The following RYR2 variants were observed in gnomAD, a reference collection of about 807,000 sequenced individuals.
RYR2 encodes cardiac muscle ryanodine receptor-calcium release channel.
In RYR2, 227 loss-of-function variants were observed where a neutral mutation model predicts 601.1. That is an observed-to-expected ratio of 0.38 (90% CI 0.34 to 0.42). RYR2 has a LOEUF of 0.42. RYR2 is among the 10% of genes least tolerant of loss of function. The pLI is 1.00. For synonymous variants in RYR2, 2,223 were observed against 2,175.1 expected, an observed-to-expected ratio of 1.02 and a Z score of -0.61; for missense variants, 4,646 against 6,156.5, an observed-to-expected ratio of 0.75 and a Z score of 8.21.
chr1:237,414,003 G>T (rs1704691409), intron 10 of RYR2, among the ~76,000 whole-genome samples: 4 of 151,966 alleles, frequency 2.6e-5, no homozygotes, highest in African/African-American at 9.7e-5. Context: ...TTTCCAAGTT[G>T]TCAATTTCTT....
intron 1 of RYR2, among the ~76,000 whole-genome samples, chr1:237,237,514 C>A (rs535586512): frequency 5.3e-5 from 8 of 152,116 alleles, no homozygotes; most frequent in Non-Finnish European, 1.2e-4. Flanking sequence ...CACAATTGGC[C>A]AGCATACACA....
At chr1:237,754,976 CATAATTTAAGAAAACATAA>C in intron 80 of RYR2, 1 of 754,660 alleles carries the variant, frequency 1.3e-6, no homozygotes, top group Non-Finnish European at 1.9e-6. Flanking sequence ...AGGCCTATCA[CATAATTTAAGAAAACATAA>C]AATTAACCAC....
rs543974446 is a variant in RYR2, at chr1:237,156,394, A to C, written c.48+113825A>C. 5.9e-5 allele frequency among the ~76,000 whole-genome samples: 9 copies of C among 152,332 alleles called. No individual in the cohort carries two copies. The South Asian group carries it at 1.7e-3, about 28-fold the overall frequency. On this transcript the variant is annotated intron_variant, in intron 1 of 104. Transcript: ENST00000366574. ...AAAGTCTCAGACTCAAACATGTTAC[A>C]CTTACCTCCTGGAGGTTTTACAATG...
intron 1 of RYR2, among the ~76,000 whole-genome samples, chr1:237,051,831 C>T (rs1012647656): frequency 6.6e-6 from 1 of 152,158 alleles, no homozygotes; most frequent in Non-Finnish European, 1.5e-5. Flanking sequence ...GGCTCTAGAA[C>T]TCTCACTTAA....
chr1:237,469,971 G>C (rs760037926), intron 17 of RYR2, among the ~76,000 whole-genome samples: 5 of 152,174 alleles, frequency 3.3e-5, no homozygotes, highest in African/African-American at 1.2e-4. Flanking sequence ...GAACTTGTTA[G>C]AGCTCTCTAG....
intron 8 of RYR2, among the ~76,000 whole-genome samples, chr1:237,378,090 A>G (rs1209111923): frequency 6.6e-6 from 1 of 152,226 alleles, no homozygotes; most frequent in Non-Finnish European, 1.5e-5. Context: ...GGTGAAAGAC[A>G]CGTCTCATGT....
chr1:237,793,810 C>A, intron 94 of RYR2, 57 bp from the exon 95 acceptor site: 2 of 1,360,000 alleles, frequency 1.5e-6, no homozygotes, highest in Non-Finnish European at 2.1e-6. Flanking sequence ...AGATAGTGAC[C>A]ACAAGATATG....
rs1558953267 is a variant in RYR2 at position 237,515,902 on chromosome 1, T to TCTCCCTCTTCTCCC, written c.2822+4111_2822+4112insCTCCCTCTTCTCCC. On this transcript the variant is annotated intron_variant, in intron 24 of 104. Coordinates refer to ENST00000366574, the MANE Select transcript of RYR2 (RefSeq NM_001035.3). ...CCTCTTCTCCTCCTCCCTCTTCTCC[T>TCTCCCTCTTCTCCC]TCTCCCTCTTCTCCCTCTCCCTCTT... 6.6e-3 allele frequency among the ~76,000 whole-genome samples: 930 copies of TCTCCCTCTTCTCCC among 141,082 alleles called. 15 individuals carry two copies. The highest frequency in any genetic ancestry group is 0.024 in the African/African-American group (883 of 37,490). The allele number at this position is 141,082 out of a possible 152,430, so 92.6% of individuals were successfully genotyped here.
intron 38 of RYR2, among the ~76,000 whole-genome samples, chr1:237,618,086 A>G (rs1027283735): frequency 9.9e-5 from 15 of 152,178 alleles, no homozygotes; most frequent in African/African-American, 3.4e-4. Context: ...GTGTTAAACA[A>G]TGTAATTCAC....
At chr1:237,604,599 C>T (rs1463803783) in intron 35 of RYR2, among the ~76,000 whole-genome samples, 1 of 151,956 alleles carries the variant, frequency 6.6e-6, no homozygotes, top group Non-Finnish European at 1.5e-5. Context: ...GATAGAGACA[C>T]AAAAAACCCT....
At position 237,098,379 on chromosome 1, in the gene RYR2, T is replaced by TTGTG. The variant is rs758325281; in HGVS notation, c.48+55814_48+55817dup. On this transcript the variant is annotated intron_variant, in intron 1 of 104. Transcript: ENST00000366574. The stretch of plus-strand genomic sequence containing the variant: ...TATCCATCACCTCACATAGTTGCCA[T>TTGTG]TGTGTGTATGTGTGTGTGTGTGTGT... 6.9e-3 allele frequency among the ~76,000 whole-genome samples: 405 copies of TTGTG among 58,786 alleles called. 2 individuals carry two copies. Among genetic ancestry groups the TTGTG allele is most frequent in the Middle Eastern group, 0.018 (2 of 110 alleles). 38.6% of individuals were successfully genotyped at this position (58,786 alleles called of 152,430 possible). A position where few individuals can be genotyped will look rare whatever the true frequency, so the allele number is the denominator to read the frequency against.
intron 1 of RYR2, among the ~76,000 whole-genome samples, chr1:237,135,786 A>G (rs1672711209): frequency 2.0e-5 from 3 of 152,352 alleles, no homozygotes; most frequent in South Asian, 4.1e-4. Flanking sequence ...GCTTTCACAC[A>G]TGGCATCTAT....
chr1:237,127,395 CGGCTGGCCGGGCGGGG>C (rs1671570316), intron 1 of RYR2, among the ~76,000 whole-genome samples: 1 of 147,546 alleles, frequency 6.8e-6, no homozygotes, highest in Non-Finnish European at 1.5e-5. Flanking sequence ...CCGGACGGGG[CGGCTGGCCGGGCGGGG>C]GGCTGACCCC....
intron 66 of RYR2, among the ~76,000 whole-genome samples, chr1:237,702,318 A>C (rs1265047995): frequency 6.6e-6 from 1 of 152,226 alleles, no homozygotes; most frequent in African/African-American, 2.4e-5. Flanking sequence ...TGAGTGTTTG[A>C]GTCTTATGAA....
intron 2 of RYR2, among the ~76,000 whole-genome samples, chr1:237,296,723 G>T (rs1455245359): frequency 6.6e-6 from 1 of 152,156 alleles, no homozygotes; most frequent in Middle Eastern, 3.2e-3. Context: ...GTTGGTGTGA[G>T]AATCACCTGC....
At chr1:237,489,977 T>C (rs1663142847) in intron 17 of RYR2, among the ~76,000 whole-genome samples, 1 of 152,204 alleles carries the variant, frequency 6.6e-6, no homozygotes, top group South Asian at 2.1e-4. Flanking sequence ...GTGGTACATA[T>C]ACACCATAGA....
At chr1:237,067,665 G>C (rs1663816877) in intron 1 of RYR2, among the ~76,000 whole-genome samples, 1 of 152,016 alleles carries the variant, frequency 6.6e-6, no homozygotes, top group Admixed American at 6.6e-5. Flanking sequence ...ATTTCACCGG[G>C]GTTTCGATAA....
intron 92 of RYR2, among the ~76,000 whole-genome samples, chr1:237,790,891 CTG>C (rs1658303051): frequency 6.6e-6 from 1 of 152,074 alleles, no homozygotes; most frequent in Non-Finnish European, 1.5e-5. Flanking sequence ...CCCTGCTCAC[CTG>C]TCTGATCACA....
chr1:237,047,603 G>C (rs1434699073), intron 1 of RYR2, among the ~76,000 whole-genome samples: 3 of 151,950 alleles, frequency 2.0e-5, no homozygotes. Context: ...CCAGGATGTT[G>C]CCAGTAACTC....
Sources: gnomAD v4.1 joint callset for allele counts (sites outside exome capture counted in the v4.1 genomes callset) on GRCh38, gnomAD v4.1.1 for gene constraint, MANE v1.5 for transcripts, NCBI Gene and HGNC (gene_info 2026-07-23, HGNC 2026-07-21) for gene names.